The following KDM7A variants were observed in gnomAD, a reference collection of about 807,000 sequenced individuals.
KDM7A encodes the protein lysine demethylase 7A, also known as lysine-specific demethylase 7A.
Under a neutral mutation model 114.8 loss-of-function variants are expected in KDM7A, and 28 were observed. The ratio of observed to expected loss-of-function variants is 0.24; its 90% CI spans 0.18 to 0.33. KDM7A has a LOEUF of 0.33. Among genes scored for constraint, KDM7A ranks in the 10% least tolerant of loss-of-function variants. The pLI is 1.00. For missense variants in KDM7A, 942 were observed against 1,142.5 expected, an observed-to-expected ratio of 0.82 and a Z score of 2.53; for synonymous variants, 423 against 397.8, an observed-to-expected ratio of 1.06 and a Z score of -0.75.
intron 1 of KDM7A, among the ~76,000 whole-genome samples, chr7:140,159,389 G>A (rs188763139): frequency 1.3e-5 from 2 of 148,374 alleles, no homozygotes; most frequent in Admixed American, 1.4e-4. Context: ...AAGGATATAT[G>A]CGTACAATTG....
At chr7:140,167,383 G>T (rs1794590573) in intron 1 of KDM7A, among the ~76,000 whole-genome samples, 1 of 152,102 alleles carries the variant, frequency 6.6e-6, no homozygotes, top group African/African-American at 2.4e-5. Context: ...AAAACACTGT[G>T]GTGCTGAAAC....
At chr7:140,173,433 T>TAAG (rs1794668679) in intron 1 of KDM7A, among the ~76,000 whole-genome samples, 1 of 152,182 alleles carries the variant, frequency 6.6e-6, no homozygotes, top group South Asian at 2.1e-4. Context: ...AGGACAGGTC[T>TAAG]TCCTTCCCTG....
At position 140,087,428 on chromosome 7, in the gene KDM7A, C is replaced by T. The variant is rs185015289; in HGVS notation, c.*3666G>A. ...ATCCAGCACCTTGTTGGAGATTCCT[C>T]GGATTTTTAAAGTAGCATGCCCTGG... On this transcript the variant is annotated 3_prime_UTR_variant, in exon 20 of 20. Coordinates refer to ENST00000397560, the MANE Select transcript of KDM7A (RefSeq NM_030647.2). The T allele has an allele frequency of 9.2e-5, 14 of 152,184 alleles. No homozygotes were observed. In the East Asian group the frequency reaches 1.9e-3, roughly 21 times the overall value. The allele number at this position is 152,184 out of a possible 1,614,324, so 9.4% of individuals were successfully genotyped here. A position where few individuals can be genotyped will look rare whatever the true frequency, so the allele number is the denominator to read the frequency against.
intron 2 of KDM7A, among the ~76,000 whole-genome samples, chr7:140,138,427 A>G (rs1266227634): frequency 6.6e-6 from 1 of 152,226 alleles, no homozygotes; most frequent in Non-Finnish European, 1.5e-5. Flanking sequence ...CATCTGTAAA[A>G]AGCTGAAAAT....
intron 5 of KDM7A, 76 bp downstream of exon 5, chr7:140,127,366 C>T (rs1818722788): frequency 7.7e-7 from 1 of 1,298,964 alleles, no homozygotes; most frequent in South Asian, 1.4e-5. Context: ...TATGTTTCTT[C>T]CTAAAATAAA....
chr7:140,104,794 A>G (rs544649329), intron 11 of KDM7A, among the ~76,000 whole-genome samples: 54 of 151,674 alleles, frequency 3.6e-4, no homozygotes, highest in African/African-American at 1.2e-3. Context: ...TTGGTTCCAT[A>G]TGAACTTTAA....
intron 8 of KDM7A, among the ~76,000 whole-genome samples, chr7:140,119,469 T>C (rs1186180646): frequency 6.6e-6 from 1 of 152,208 alleles, no homozygotes; most frequent in East Asian, 1.9e-4. Flanking sequence ...ACTTTGGGAT[T>C]TGTATCCTGG....
At chr7:140,154,254 G>C (rs1562959112) in intron 1 of KDM7A, among the ~76,000 whole-genome samples, 1 of 151,972 alleles carries the variant, frequency 6.6e-6, no homozygotes, top group Non-Finnish European at 1.5e-5. Context: ...GGGAGGCTAA[G>C]GCGGGAGGAC....
rs569692530 is a variant in KDM7A at position 140,133,378 on chromosome 7, T to C, written c.398+161A>G. Among the ~76,000 whole-genome samples the C allele has an allele frequency of 3.3e-5, 5 of 152,352 alleles. No individual in the cohort carries two copies. In the South Asian group the frequency reaches 1.0e-3, roughly 32 times the overall value. ...ACTGCTATTTCTTGGAATGTACTGATACTTTTCTATTTCGTTAAGGAAGAA... is the reference window on the plus strand; with the variant it reads ...ACTGCTATTTCTTGGAATGTACTGACACTTTTCTATTTCGTTAAGGAAGAA... On this transcript the variant is annotated intron_variant, in intron 3 of 19. Transcript: ENST00000397560.
At chr7:140,102,988 A>G (rs539504942) in intron 11 of KDM7A, among the ~76,000 whole-genome samples, 14 of 152,294 alleles carry the variant, frequency 9.2e-5, no homozygotes, top group African/African-American at 3.1e-4. Flanking sequence ...CTGCCATTTT[A>G]ACAATTTTTA....
At position 140,155,444 on chromosome 7, in the gene KDM7A, C is replaced by T. The variant is rs142133477; in HGVS notation, c.195-16254G>A. 1.8e-3 allele frequency among the ~76,000 whole-genome samples: 280 copies of T among 152,266 alleles called. 2 individuals are homozygous for T. The highest frequency in any genetic ancestry group is 6.5e-3 in the African/African-American group (270 of 41,556). ...TTTCAAAAATTCCAACCCTGACTGC[C>T]AGGTTTATTTAAGTGATATTTGCCA... is the stretch of plus-strand genomic sequence containing the variant. On this transcript the variant is annotated intron_variant, in intron 1 of 19. Transcript: ENST00000397560.
Position 140,176,724 on chromosome 7 carries a change from G to C in KDM7A, c.194+20C>G. On this transcript the variant is annotated intron_variant, in intron 1 of 19. Coordinates refer to ENST00000397560, the MANE Select transcript of KDM7A (RefSeq NM_030647.2). This position sits in a 1 kb window ranked among gnomAD's most constrained non-coding sequence, Gnocchi z 4.4. ...GGTGGCCGGCGGTGGCGGCTGCGGG[G>C]CTGGAGGGGGTTTATTTACCTGCCG... is the stretch of plus-strand genomic sequence containing the variant. 1 of 1,288,106 alleles carries C rather than the reference G, an allele frequency of 7.8e-7. No homozygotes were observed. Among genetic ancestry groups the C allele is most frequent in the Non-Finnish European group, 1.0e-6 (1 of 988,298 alleles). 79.8% of individuals were successfully genotyped at this position (1,288,106 alleles called of 1,614,324 possible).
chr7:140,097,513 A>G (rs775389699), intron 15 of KDM7A, 32 bp downstream of exon 15: 1 of 1,161,434 alleles, frequency 8.6e-7, no homozygotes, highest in Admixed American at 2.1e-5. Flanking sequence ...TTTCCATCAA[A>G]TAACGTACAA....
At chr7:140,157,010 G>A (rs1339183927) in intron 1 of KDM7A, among the ~76,000 whole-genome samples, 2 of 152,156 alleles carry the variant, frequency 1.3e-5, no homozygotes, top group Non-Finnish European at 2.9e-5. Context: ...CACTGAATAG[G>A]AATATACACA....
chr7:140,176,104 GCT>G lies in KDM7A; in HGVS notation c.194+638_194+639del, dbSNP rs556326186. ...CCCGAGAGCGAGTGCCTCATCTGTT[GCT>G]CTGTTTACTCCGCGGAGCCCCGCCG... On this transcript the variant is annotated intron_variant, in intron 1 of 19. Transcript: ENST00000397560. The surrounding 1 kb of genome is among the most constrained non-coding windows in gnomAD (Gnocchi z 4.4). Among the ~76,000 whole-genome samples, 283 of 151,892 alleles carry G rather than the reference GCT, an allele frequency of 1.9e-3. 1 individual carries two copies. The highest frequency in any genetic ancestry group is 6.3e-3 in the African/African-American group (261 of 41,494).
chr7:140,104,042 T>G (rs1035948684), intron 11 of KDM7A, among the ~76,000 whole-genome samples: 1 of 152,238 alleles, frequency 6.6e-6, no homozygotes, highest in African/African-American at 2.4e-5. Flanking sequence ...GGTTTTGATT[T>G]GCGTTTCTCT....
intron 12 of KDM7A, among the ~76,000 whole-genome samples, chr7:140,100,739 T>TAC (rs1818208753): frequency 1.0e-4 from 5 of 50,210 alleles, no homozygotes; most frequent in Non-Finnish European, 2.0e-4. Flanking sequence ...TATATATATA[T>TAC]ATACATATAT....
At chr7:140,167,234 G>T (rs1012317172) in intron 1 of KDM7A, among the ~76,000 whole-genome samples, 1 of 133,776 alleles carries the variant, frequency 7.5e-6, no homozygotes, top group African/African-American at 2.5e-5. Context: ...AATAAAATTA[G>T]ACAGGTTGAT....
At chr7:140,093,795 T>C (rs1306183460) in intron 18 of KDM7A, among the ~76,000 whole-genome samples, 1 of 152,220 alleles carries the variant, frequency 6.6e-6, no homozygotes, top group Non-Finnish European at 1.5e-5. Context: ...ATAACCTACA[T>C]GGGTTGGCAG....
Sources: allele counts gnomAD v4.1 joint callset (sites outside exome capture counted in the v4.1 genomes callset), GRCh38; gene constraint gnomAD v4.1.1; non-coding constraint Gnocchi (gnomAD v3.1); transcripts MANE v1.5; gene names NCBI Gene and HGNC (gene_info 2026-07-23, HGNC 2026-07-21).